NFIB: variants seen among roughly 807,000 people sequenced by gnomAD.
The protein encoded by NFIB is nuclear factor 1 B-type.
NFIB carries 11 observed loss-of-function variants against 61.5 expected under a neutral mutation model. That is an observed-to-expected ratio of 0.18 (90% CI 0.11 to 0.30). The LOEUF (loss-of-function observed/expected upper bound fraction) is 0.30, where lower values mean the gene tolerates loss of function less well. Ranked by LOEUF, NFIB falls within the 10% of genes least tolerant of loss-of-function variation. NFIB has a pLI of 1.00. For missense variants in NFIB, 471 were observed against 608.9 expected, an observed-to-expected ratio of 0.77 and a Z score of 2.38; for synonymous variants, 260 against 216.5, an observed-to-expected ratio of 1.20 and a Z score of -1.76.
the NFIB span, among the ~76,000 whole-genome samples, chr9:14,463,810 G>A: frequency 2.7e-3 from 414 of 151,912 alleles, 1 homozygote; most frequent in African/African-American, 9.2e-3. Context: ...ACAGGCGCCC[G>A]CCACCAAGCC....
chr9:14,190,806 T>C (rs1437791489), intron 2 of NFIB, among the ~76,000 whole-genome samples: 2 of 152,164 alleles, frequency 1.3e-5, no homozygotes, highest in Non-Finnish European at 2.9e-5. Flanking sequence ...GAAAGAACTT[T>C]GAAAAGTTTA....
At chr9:14,407,922 A>G in the NFIB span, among the ~76,000 whole-genome samples, 1 of 152,164 alleles carries the variant, frequency 6.6e-6, no homozygotes, top group African/African-American at 2.4e-5. Context: ...CTTGGCCTCA[A>G]GTAATCCTCC....
the NFIB span, among the ~76,000 whole-genome samples, chr9:14,474,417 C>T: frequency 3.8e-4 from 58 of 152,308 alleles, no homozygotes; most frequent in African/African-American, 1.3e-3. Flanking sequence ...CACCTCCAAA[C>T]ACTATCACAT....
chr9:14,477,978 C>T, the NFIB span, among the ~76,000 whole-genome samples: 252 of 152,178 alleles, frequency 1.7e-3, 2 homozygotes, highest in African/African-American at 5.7e-3. Context: ...CATTCTATGC[C>T]CTGAGGAAAT....
At chr9:14,248,547 A>G (rs1184042575) in intron 2 of NFIB, among the ~76,000 whole-genome samples, 1 of 152,174 alleles carries the variant, frequency 6.6e-6, no homozygotes, top group East Asian at 1.9e-4. Flanking sequence ...CTGGGATTAC[A>G]GGCATGAGCC....
At chr9:14,109,787 T>A (rs552338) in intron 10 of NFIB, among the ~76,000 whole-genome samples, 22,162 of 152,082 alleles carry the variant, frequency 0.15, 1,780 homozygotes, top group Non-Finnish European at 0.18. Flanking sequence ...CTGGTTTACA[T>A]GAACCTTTTT....
chr9:14,182,020 A>C (rs1440721351), intron 2 of NFIB, among the ~76,000 whole-genome samples: 1 of 152,230 alleles, frequency 6.6e-6, no homozygotes, highest in Non-Finnish European at 1.5e-5. Context: ...AAGAATGAAA[A>C]GTCTCTTCCA....
chr9:14,391,080 T>G (rs2061613809), intron 1 of NFIB, among the ~76,000 whole-genome samples: 1 of 152,204 alleles, frequency 6.6e-6, no homozygotes, highest in African/African-American at 2.4e-5. Flanking sequence ...GGAATATAAC[T>G]CCCTACCCCT....
chr9:14,221,567 C>G (rs1478081024), intron 2 of NFIB, among the ~76,000 whole-genome samples: 1 of 152,162 alleles, frequency 6.6e-6, no homozygotes, highest in Non-Finnish European at 1.5e-5. Context: ...TACCACACTG[C>G]CCCTCAAGCT....
intron 2 of NFIB, among the ~76,000 whole-genome samples, chr9:14,188,979 A>T (rs971737612): frequency 6.6e-6 from 1 of 152,210 alleles, no homozygotes; most frequent in Non-Finnish European, 1.5e-5. Flanking sequence ...ACATAAAACA[A>T]ATGCAATGTT....
chr9:14,414,985 A>G, the NFIB span, among the ~76,000 whole-genome samples: 1 of 152,168 alleles, frequency 6.6e-6, no homozygotes, highest in South Asian at 2.1e-4. Context: ...AAACATCACC[A>G]AGTATTTATT....
At chr9:14,117,797 T>C (rs924549722) in intron 8 of NFIB, among the ~76,000 whole-genome samples, 1 of 152,172 alleles carries the variant, frequency 6.6e-6, no homozygotes, top group African/African-American at 2.4e-5. Context: ...CTAATTTTAT[T>C]CAAAATATTC....
chr9:14,354,780 C>CTGTGTGTGTGTGTGTG (rs67877825), intron 1 of NFIB, among the ~76,000 whole-genome samples: 42 of 145,878 alleles, frequency 2.9e-4, no homozygotes, highest in African/African-American at 1.0e-3. Context: ...AATGGGTACT[C>CTGTGTGTGTGTGTGTG]TGTGTGTGTG....
chr9:14,475,914 G>C, the NFIB span, among the ~76,000 whole-genome samples: 5 of 152,118 alleles, frequency 3.3e-5, no homozygotes, highest in Non-Finnish European at 7.3e-5. Context: ...CAATTTGGTA[G>C]ATCTTCCCCC....
chr9:14,417,965 G>A, the NFIB span, among the ~76,000 whole-genome samples: 6 of 151,972 alleles, frequency 3.9e-5, no homozygotes, highest in African/African-American at 1.2e-4. Context: ...TTTTAGTAGA[G>A]ATGGGGTTTC....
At chr9:14,376,517 C>CTTTTTTTTTTTTTTTTTT (rs781462864) in intron 1 of NFIB, among the ~76,000 whole-genome samples, 1 of 128,430 alleles carries the variant, frequency 7.8e-6, no homozygotes. Context: ...CTAAAAGTGT[C>CTTTTTTTTTTTTTTTTTT]ATTTTTTTTT....
intron 2 of NFIB, among the ~76,000 whole-genome samples, chr9:14,277,588 C>G (rs1381045516): frequency 6.6e-6 from 1 of 152,210 alleles, no homozygotes; most frequent in Non-Finnish European, 1.5e-5. Context: ...GAATTAACAA[C>G]AACTTGTTTG....
intron 2 of NFIB, among the ~76,000 whole-genome samples, chr9:14,295,606 G>A (rs2059391889): frequency 6.6e-6 from 1 of 151,236 alleles, no homozygotes; most frequent in Non-Finnish European, 1.5e-5. Context: ...ACTCCAGCCT[G>A]GGCTACCCAG....
rs947020505 is a variant in NFIB at position 14,216,524 on chromosome 9, C to G, written c.563-36744G>C. On this transcript the variant is annotated intron_variant, in intron 2 of 10. Transcript: ENST00000380953. ...TCTCTCTCTCTCTCTCTCTCTCTCTCTCTCTCTCTCTCTCTCTCCCTCTGT... is the reference window on the plus strand; with the variant it reads ...TCTCTCTCTCTCTCTCTCTCTCTCTGTCTCTCTCTCTCTCTCTCCCTCTGT... Among the ~76,000 whole-genome samples the G allele has an allele frequency of 4.4e-4, 30 of 67,766 alleles. 1 individual carries two copies. Among genetic ancestry groups the G allele is most frequent in the African/African-American group, 1.8e-3 (27 of 15,270 alleles). 44.5% of individuals were successfully genotyped at this position (67,766 alleles called of 152,430 possible).
Sources: allele counts gnomAD v4.1 joint callset (sites outside exome capture counted in the v4.1 genomes callset), GRCh38; gene constraint gnomAD v4.1.1; transcripts MANE v1.5; gene names NCBI Gene and HGNC (gene_info 2026-07-23, HGNC 2026-07-21).